Variants in PRKN observed in about 807,000 individuals in gnomAD.
PRKN encodes the protein E3 ubiquitin-protein ligase parkin.
In PRKN, 56 loss-of-function variants were observed where a neutral mutation model predicts 59.5. The ratio of observed to expected loss-of-function variants is 0.94; its 90% CI spans 0.76 to 1.18. The LOEUF (loss-of-function observed/expected upper bound fraction) is 1.18. Among genes scored for constraint, PRKN ranks in the 50% most tolerant of loss-of-function variants. PRKN has a pLI of 0.00. For synonymous variants in PRKN, 250 were observed against 222.1 expected, an observed-to-expected ratio of 1.13 and a Z score of -1.12; for missense variants, 657 against 596.4, an observed-to-expected ratio of 1.10 and a Z score of -1.06.
At chr6:161,767,104 T>A (rs1789455672) in intron 7 of PRKN, among the ~76,000 whole-genome samples, 1 of 152,204 alleles carries the variant, frequency 6.6e-6, no homozygotes, top group African/African-American at 2.4e-5. Flanking sequence ...TCACGACTTA[T>A]AGTTCAGTAC....
At chr6:161,801,850 C>A (rs1791097383) in intron 6 of PRKN, among the ~76,000 whole-genome samples, 2 of 152,040 alleles carry the variant, frequency 1.3e-5, no homozygotes, top group South Asian at 4.2e-4. Context: ...ATGAAGGGAC[C>A]CCTCTTTTTC....
chr6:162,630,407 A>C (rs1489838093), intron 1 of PRKN, among the ~76,000 whole-genome samples: 1 of 152,098 alleles, frequency 6.6e-6, no homozygotes, highest in Non-Finnish European at 1.5e-5. Flanking sequence ...GTTCTTTTGA[A>C]ACAATCCCAA....
chr6:162,673,031 C>T (rs1779392988), intron 1 of PRKN, among the ~76,000 whole-genome samples: 1 of 152,068 alleles, frequency 6.6e-6, no homozygotes, highest in Non-Finnish European at 1.5e-5. Flanking sequence ...GTTTAATAGC[C>T]AAGAGCAAAG....
chr6:161,884,842 C>T (rs1005947281), intron 6 of PRKN, among the ~76,000 whole-genome samples: 1 of 151,848 alleles, frequency 6.6e-6, no homozygotes, highest in Non-Finnish European at 1.5e-5. Flanking sequence ...ATATGAGAAT[C>T]AAATAATGAA....
At chr6:162,279,359 AAG>A (rs904416679) in intron 2 of PRKN, among the ~76,000 whole-genome samples, 6 of 150,940 alleles carry the variant, frequency 4.0e-5, no homozygotes, top group Non-Finnish European at 4.4e-5. Context: ...GAAAGAAAGA[AAG>A]AGAGAGAGAG....
At chr6:161,997,165 AT>A (rs1371142059) in intron 5 of PRKN, among the ~76,000 whole-genome samples, 7 of 152,178 alleles carry the variant, frequency 4.6e-5, no homozygotes, top group African/African-American at 1.7e-4. Flanking sequence ...TTCTTGGTGC[AT>A]TAAATGAAGT....
chr6:161,479,920 G>C (rs1791305672), intron 9 of PRKN, among the ~76,000 whole-genome samples: 1 of 152,166 alleles, frequency 6.6e-6, no homozygotes, highest in African/African-American at 2.4e-5. Flanking sequence ...CACACGATTT[G>C]CTCTAGACAA....
chr6:161,477,392 C>T (rs1791148186), intron 9 of PRKN, among the ~76,000 whole-genome samples: 1 of 151,456 alleles, frequency 6.6e-6, no homozygotes, highest in South Asian at 2.1e-4. Flanking sequence ...TGGCACATGC[C>T]TATAATCCCA....
chr6:162,287,583 T>G (rs1382380711), intron 2 of PRKN, among the ~76,000 whole-genome samples: 1 of 152,020 alleles, frequency 6.6e-6, no homozygotes, highest in Non-Finnish European at 1.5e-5. Context: ...AAAAAATCAC[T>G]GGACATAATG....
chr6:161,455,940 A>G (rs1789950170), intron 9 of PRKN, among the ~76,000 whole-genome samples: 1 of 152,188 alleles, frequency 6.6e-6, no homozygotes, highest in Non-Finnish European at 1.5e-5. Flanking sequence ...CATATTATAG[A>G]GAAACAAATA....
chr6:162,460,291 T>C (rs967000342), intron 1 of PRKN, among the ~76,000 whole-genome samples: 2 of 152,170 alleles, frequency 1.3e-5, no homozygotes, highest in African/African-American at 2.4e-5. Context: ...ATTCCATTGA[T>C]ATTGAATGTC....
chr6:162,168,548 C>A (rs1034367818), intron 4 of PRKN, among the ~76,000 whole-genome samples: 10 of 87,848 alleles, frequency 1.1e-4, no homozygotes, highest in Non-Finnish European at 1.8e-4. Flanking sequence ...TCATTCTAAT[C>A]TGTTTTACAA....
At chr6:162,312,930 C>T (rs1488380698) in intron 2 of PRKN, among the ~76,000 whole-genome samples, 1 of 151,960 alleles carries the variant, frequency 6.6e-6, no homozygotes, top group Non-Finnish European at 1.5e-5. Flanking sequence ...GAAATGTACA[C>T]TAGATGCCAG....
At chr6:162,515,151 C>A (rs34575983) in intron 1 of PRKN, among the ~76,000 whole-genome samples, 1 of 149,628 alleles carries the variant, frequency 6.7e-6, no homozygotes, top group Non-Finnish European at 1.5e-5. Flanking sequence ...GGTGTAATCT[C>A]GGATCACTGC....
chr6:162,282,003 ACTCCTATGAGAATCTACTG>A (rs1189124444), intron 2 of PRKN, among the ~76,000 whole-genome samples: 10 of 152,176 alleles, frequency 6.6e-5, no homozygotes, highest in African/African-American at 2.4e-4. Flanking sequence ...TAGGGTTTGC[ACTCCTATGAGAATCTACTG>A]CCACTGCTGA....
chr6:162,006,981 A>C (rs774651017), intron 5 of PRKN, among the ~76,000 whole-genome samples: 4 of 152,158 alleles, frequency 2.6e-5, no homozygotes, highest in Non-Finnish European at 5.9e-5. Flanking sequence ...TATACAGTTA[A>C]AAAATTATAT....
At chr6:162,364,365 T>C (rs538981041) in intron 2 of PRKN, among the ~76,000 whole-genome samples, 6 of 152,202 alleles carry the variant, frequency 3.9e-5, no homozygotes, top group Non-Finnish European at 8.8e-5. Flanking sequence ...ATCAGTGTCG[T>C]GGAGACTTGC....
At position 161,475,348 on chromosome 6, in the gene PRKN, T is replaced by C. The variant is rs1791014528; in HGVS notation, c.1083+73506A>G. Reference sequence around the variant, plus strand: ...AGTATTCCCATTTGCGATTTGTTTTTGGTCATCACGAGGAAGGAGGGTACT... The same window carrying C: ...AGTATTCCCATTTGCGATTTGTTTTCGGTCATCACGAGGAAGGAGGGTACT... On this transcript the variant is annotated intron_variant, in intron 9 of 11. Transcript: ENST00000366898. This position sits in a 1 kb window ranked among gnomAD's most constrained non-coding sequence, Gnocchi z 5.3. Among the ~76,000 whole-genome samples, 2 of 152,240 alleles carry C rather than the reference T, an allele frequency of 1.3e-5. No individual in the cohort carries two copies. The highest frequency in any genetic ancestry group is 2.9e-5 in the Non-Finnish European group (2 of 68,038).
intron 7 of PRKN, among the ~76,000 whole-genome samples, chr6:161,693,272 T>C (rs941782759): frequency 1.3e-5 from 2 of 152,192 alleles, no homozygotes; most frequent in South Asian, 2.1e-4. Context: ...TTTTTCTGTC[T>C]TTTAATTTAT....
Sources: allele counts gnomAD v4.1 joint callset (sites outside exome capture counted in the v4.1 genomes callset), GRCh38; gene constraint gnomAD v4.1.1; non-coding constraint Gnocchi (gnomAD v3.1); transcripts MANE v1.5; gene names NCBI Gene and HGNC (gene_info 2026-07-23, HGNC 2026-07-21).